Variants in OXCT1 observed in about 807,000 individuals in gnomAD.
OXCT1 encodes the protein succinyl-CoA:3-ketoacid coenzyme A transferase 1, mitochondrial.
In OXCT1, 27 loss-of-function variants were observed where a neutral mutation model predicts 69.6. That is an observed-to-expected ratio of 0.39 (90% CI 0.29 to 0.54). The LOEUF is 0.54. Ranked by LOEUF, OXCT1 falls within the 20% of genes least tolerant of loss-of-function variation. The probability of loss-of-function intolerance (pLI) is 0.72; values close to 1 mark genes in which losing one functional copy is unlikely to be tolerated. For missense variants in OXCT1, 437 were observed against 650.2 expected, an observed-to-expected ratio of 0.67 and a Z score of 3.57; for synonymous variants, 202 against 217.8, an observed-to-expected ratio of 0.93 and a Z score of 0.64.
chr5:41,779,272 T>C (rs1265519502), intron 13 of OXCT1, among the ~76,000 whole-genome samples: 2 of 152,168 alleles, frequency 1.3e-5, no homozygotes, highest in Non-Finnish European at 2.9e-5. Context: ...ATTTATTGAA[T>C]CCAAGAACTT....
rs188061675 is a variant in OXCT1, at chr5:41,751,832, C to T, written c.1339-2225G>A. On this transcript the variant is annotated intron_variant, in intron 14 of 16. Transcript: ENST00000196371. Reference sequence around the variant, plus strand: ...TATGGCTCTCCTAAGAAACTGGCACCAAATGTATTCCTGTTAGAACAATGG... The same window carrying T: ...TATGGCTCTCCTAAGAAACTGGCACTAAATGTATTCCTGTTAGAACAATGG... Among the ~76,000 whole-genome samples, 199 of 152,168 alleles carry T rather than the reference C, an allele frequency of 1.3e-3. 2 individuals are homozygous for T. In the Middle Eastern group the frequency reaches 0.037, roughly 29 times the overall value.
intron 14 of OXCT1, among the ~76,000 whole-genome samples, chr5:41,759,080 C>A (rs1297042388): frequency 7.1e-6 from 1 of 141,590 alleles, no homozygotes; most frequent in African/African-American, 2.6e-5. Flanking sequence ...GAGCTTTGTC[C>A]AGGGAAAATG....
At chr5:41,745,283 AC>A (rs2112027917) in intron 15 of OXCT1, among the ~76,000 whole-genome samples, 1 of 152,230 alleles carries the variant, frequency 6.6e-6, no homozygotes, top group South Asian at 2.1e-4. Context: ...AAACTGAACA[AC>A]CTGCTCCTGA....
intron 7 of OXCT1, among the ~76,000 whole-genome samples, chr5:41,808,566 T>G (rs773565157): frequency 1.6e-4 from 25 of 152,114 alleles, no homozygotes; most frequent in Non-Finnish European, 5.9e-5. Context: ...GCTATCTTCT[T>G]TGATAAACAG....
chr5:41,845,892 AT>A (rs1311502393), intron 5 of OXCT1, among the ~76,000 whole-genome samples: 1 of 152,060 alleles, frequency 6.6e-6, no homozygotes, highest in Non-Finnish European at 1.5e-5. Flanking sequence ...TAAAAAACAC[AT>A]TTTTTATCTT....
chr5:41,739,888 G>C (rs1017515309), intron 15 of OXCT1, among the ~76,000 whole-genome samples: 2 of 148,396 alleles, frequency 1.3e-5, no homozygotes, highest in African/African-American at 4.9e-5. Flanking sequence ...AAAAAAAAAG[G>C]AAACACAAGA....
At position 41,731,414 on chromosome 5, in the gene OXCT1, C is replaced by T. The variant is rs1742614439; in HGVS notation, c.*315G>A. ...GGAAAGCCACATCAATTTCTAGGGC[C>T]CTTCTTGGGGAAAGGTTCATATAAT... On this transcript the variant is annotated 3_prime_UTR_variant, in exon 17 of 17. Coordinates refer to ENST00000196371, the MANE Select transcript of OXCT1 (RefSeq NM_000436.4). 2.8e-6 allele frequency: 3 copies of T among 1,055,426 alleles called. No individual in the cohort carries two copies. Among genetic ancestry groups the T allele is most frequent in the African/African-American group, 3.3e-5 (2 of 59,742 alleles). 65.4% of individuals were successfully genotyped at this position (1,055,426 alleles called of 1,614,324 possible).
At chr5:41,831,011 C>G (rs1748070720) in intron 7 of OXCT1, among the ~76,000 whole-genome samples, 1 of 152,268 alleles carries the variant, frequency 6.6e-6, no homozygotes, top group South Asian at 2.1e-4. Context: ...TTCCCACCTT[C>G]TATTGTAAAG....
At chr5:41,814,435 T>C (rs560716442) in intron 7 of OXCT1, among the ~76,000 whole-genome samples, 2 of 152,186 alleles carry the variant, frequency 1.3e-5, no homozygotes, top group East Asian at 1.9e-4. Context: ...TGTATGTTTA[T>C]TGCGGCTCTA....
intron 14 of OXCT1, among the ~76,000 whole-genome samples, chr5:41,749,984 C>T (rs1743686140): frequency 6.6e-6 from 1 of 151,998 alleles, no homozygotes; most frequent in African/African-American, 2.4e-5. Context: ...GGATGCAAAG[C>T]ACATACAGAA....
At chr5:41,769,199 G>A (rs139651483) in intron 13 of OXCT1, among the ~76,000 whole-genome samples, 9 of 152,178 alleles carry the variant, frequency 5.9e-5, no homozygotes, top group African/African-American at 1.9e-4. Context: ...ATGTTGTAGT[G>A]GCAGGTAGTG....
At chr5:41,828,768 C>T (rs1045529013) in intron 7 of OXCT1, among the ~76,000 whole-genome samples, 3 of 152,110 alleles carry the variant, frequency 2.0e-5, no homozygotes, top group Admixed American at 6.5e-5. Context: ...TTAAGAAATA[C>T]TGAGTAATTT....
intron 13 of OXCT1, 110 bp downstream of exon 13, chr5:41,793,893 T>A: frequency 1.4e-6 from 1 of 739,312 alleles, no homozygotes; most frequent in Non-Finnish European, 2.4e-6. Context: ...GAAATATATA[T>A]TAAAATATTT....
At chr5:41,832,442 A>C (rs1344651179) in intron 7 of OXCT1, among the ~76,000 whole-genome samples, 1 of 152,172 alleles carries the variant, frequency 6.6e-6, no homozygotes, top group Non-Finnish European at 1.5e-5. Flanking sequence ...TCTGGATATT[A>C]TCTAAGACCA....
chr5:41,859,229 C>T (rs983196978), intron 3 of OXCT1, among the ~76,000 whole-genome samples: 1 of 151,962 alleles, frequency 6.6e-6, no homozygotes, highest in East Asian at 1.9e-4. Context: ...TAATAATGGC[C>T]CCAAAACACA....
intron 11 of OXCT1, among the ~76,000 whole-genome samples, chr5:41,800,483 C>A (rs1348722999): frequency 6.6e-6 from 1 of 151,710 alleles, no homozygotes; most frequent in Non-Finnish European, 1.5e-5. Flanking sequence ...GCAGGCAACC[C>A]AGCAGAGGAC....
chr5:41,794,885 G>C (rs1746102099), intron 11 of OXCT1, 136 bp from the exon 12 acceptor site: 1 of 841,290 alleles, frequency 1.2e-6, no homozygotes. Context: ...CATAGCAGGT[G>C]GGGGGACACA....
chr5:41,795,611 A>G (rs990648667), intron 11 of OXCT1, among the ~76,000 whole-genome samples: 2 of 152,160 alleles, frequency 1.3e-5, no homozygotes, highest in Admixed American at 1.3e-4. Flanking sequence ...TAATCAACAA[A>G]TAACTTCAGT....
intron 5 of OXCT1, among the ~76,000 whole-genome samples, chr5:41,845,233 C>T (rs540927548): frequency 1.3e-5 from 2 of 152,286 alleles, no homozygotes; most frequent in African/African-American, 2.4e-5. Flanking sequence ...AGAGCACAAA[C>T]CCTCTTATCT....
Sources: gnomAD v4.1 joint callset for allele counts (sites outside exome capture counted in the v4.1 genomes callset) on GRCh38, gnomAD v4.1.1 for gene constraint, MANE v1.5 for transcripts, NCBI Gene and HGNC (gene_info 2026-07-23, HGNC 2026-07-21) for gene names.